MAMLD1: variants seen among roughly 807,000 people sequenced by gnomAD.
The protein encoded by MAMLD1 is mastermind like domain containing 1.
Under a neutral mutation model 45.0 loss-of-function variants are expected in MAMLD1, and 14 were observed. The observed-to-expected ratio is 0.31, with a 90% CI of 0.21 to 0.49. The LOEUF (loss-of-function observed/expected upper bound fraction) is 0.49, where lower values mean the gene tolerates loss of function less well. Ranked by LOEUF, MAMLD1 falls within the 20% of genes least tolerant of loss-of-function variation. The pLI, the probability that MAMLD1 is intolerant of heterozygous loss-of-function variation, is 0.99. For synonymous variants in MAMLD1, 254 were observed against 247.8 expected, an observed-to-expected ratio of 1.02 and a Z score of -0.24; for missense variants, 543 against 603.6, an observed-to-expected ratio of 0.90 and a Z score of 1.05.
intron 1 of MAMLD1, among the ~76,000 whole-genome samples, chrX:150,440,313 G>C (rs1557404462): frequency 9.2e-6 from 1 of 108,263 alleles, no homozygotes; most frequent in Non-Finnish European, 1.9e-5. Context: ...GGGAAATATT[G>C]GTCTGCAGGG....
chrX:150,409,130 G>C (rs1486139243), intron 1 of MAMLD1, among the ~76,000 whole-genome samples: 1 of 111,523 alleles, frequency 9.0e-6, no homozygotes, highest in African/African-American at 3.3e-5. Context: ...TTGGGTGGCT[G>C]TTGAGCTATT....
chrX:150,480,111 T>C (rs2036708077), intron 5 of MAMLD1, among the ~76,000 whole-genome samples: 1 of 112,013 alleles, frequency 8.9e-6, no homozygotes, highest in Admixed American at 9.4e-5. Flanking sequence ...CATGGTCCCA[T>C]ATCGTGGATT....
In MAMLD1 at chrX:150,508,699, T is replaced by C. The variant is rs781786067; in HGVS notation, c.2285-1263T>C. On this transcript the variant is annotated intron_variant, in intron 6 of 7. Transcript: ENST00000370401. ...AGCCCCACTGAGTGCAGAGAAGGGT[T>C]CCCAGAAGCCCTTTGCTGGAAAAGC... 2.7e-5 allele frequency among the ~76,000 whole-genome samples: 3 copies of C among 112,460 alleles called. No homozygotes were observed. The South Asian group carries it at 1.1e-3, about 42-fold the overall frequency.
intron 1 of MAMLD1, among the ~76,000 whole-genome samples, chrX:150,443,300 A>T (rs1399684269): frequency 2.6e-4 from 26 of 100,148 alleles, no homozygotes; most frequent in African/African-American, 9.6e-4. Context: ...TGAAAGTTAG[A>T]TCTTTTGTTT....
intron 1 of MAMLD1, among the ~76,000 whole-genome samples, chrX:150,396,410 T>C (rs1404283147): frequency 9.0e-6 from 1 of 111,077 alleles, no homozygotes; most frequent in Non-Finnish European, 1.9e-5. Context: ...CAAAATATAT[T>C]TTCAACTTCT....
At chrX:150,422,659 C>G (rs1039450520) in intron 1 of MAMLD1, among the ~76,000 whole-genome samples, 39 of 111,595 alleles carry the variant, frequency 3.5e-4, no homozygotes, top group African/African-American at 1.2e-3. Flanking sequence ...TCAAGTGATC[C>G]ACGCACCTCG....
chrX:150,504,339 G>A (rs1038472448), intron 6 of MAMLD1: 7 of 748,380 alleles, frequency 9.4e-6, no homozygotes, highest in Non-Finnish European at 9.5e-6. Flanking sequence ...TTTTCTAAGT[G>A]ATAGTGATCA....
intron 1 of MAMLD1, among the ~76,000 whole-genome samples, chrX:150,423,386 T>TGTGTG (rs2034590514): frequency 0.23 from 22,335 of 96,596 alleles, 2,177 homozygotes; most frequent in Admixed American, 0.32. Context: ...GTGTGTGTGT[T>TGTGTG]TGCACCTTTG....
intron 5 of MAMLD1, among the ~76,000 whole-genome samples, chrX:150,481,946 AAAG>A (rs1320768356): frequency 2.2e-5 from 2 of 91,904 alleles, no homozygotes; most frequent in African/African-American, 1.0e-4. Flanking sequence ...AAGAAAGAAA[AAAG>A]AAAGAAAGAA....
At chrX:150,425,741 A>G (rs1297132367) in intron 1 of MAMLD1, among the ~76,000 whole-genome samples, 1 of 111,758 alleles carries the variant, frequency 8.9e-6, no homozygotes, top group Non-Finnish European at 1.9e-5. Context: ...AAGAATTTAC[A>G]GTCTAGAGGA....
chrX:150,372,909 G>A (rs12689017), intron 1 of MAMLD1, among the ~76,000 whole-genome samples: 46,382 of 110,525 alleles, frequency 0.42, 7,360 homozygotes, highest in Middle Eastern at 0.55. Flanking sequence ...ACCCGAGCAC[G>A]TGGCTGGGGT....
chrX:150,396,149 ATTTTTT>A (rs151164752), intron 1 of MAMLD1, among the ~76,000 whole-genome samples: 19 of 39,249 alleles, frequency 4.8e-4, no homozygotes, highest in African/African-American at 1.9e-3. Context: ...TACCTGGCTA[ATTTTTT>A]TTTTTTTTTT....
intron 5 of MAMLD1, among the ~76,000 whole-genome samples, chrX:150,479,236 G>A (rs1261090674): frequency 9.0e-6 from 1 of 111,656 alleles, no homozygotes; most frequent in Non-Finnish European, 1.9e-5. Context: ...GAATAAGTGA[G>A]ACGACACTTT....
At chrX:150,449,708 TGCCACATTTCCA>T in intron 2 of MAMLD1, among the ~76,000 whole-genome samples, 2 of 111,467 alleles carry the variant, frequency 1.8e-5, no homozygotes, top group African/African-American at 6.5e-5. Context: ...TCTGGCCTCC[TGCCACATTTCCA>T]GGGTCCCTTC....
At chrX:150,493,122 G>A (rs1557408038) in intron 5 of MAMLD1, among the ~76,000 whole-genome samples, 2 of 111,644 alleles carry the variant, frequency 1.8e-5, no homozygotes, top group African/African-American at 6.5e-5. Flanking sequence ...CCAAATCTGG[G>A]GTGGGAAGGC....
At chrX:150,511,586 C>T (rs1367665871) in intron 7 of MAMLD1, among the ~76,000 whole-genome samples, 2 of 112,201 alleles carry the variant, frequency 1.8e-5, no homozygotes, top group East Asian at 2.8e-4. Context: ...ACCAGCCCAG[C>T]CCACCCCACC....
At chrX:150,491,850 C>T (rs114955388) in intron 5 of MAMLD1, among the ~76,000 whole-genome samples, 2,054 of 112,106 alleles carry the variant, frequency 0.018, 49 homozygotes, top group African/African-American at 0.063. Flanking sequence ...AAGAGAGTTA[C>T]CTTTTTCGTC....
intron 1 of MAMLD1, among the ~76,000 whole-genome samples, chrX:150,381,103 T>C (rs1425685912): frequency 2.7e-5 from 3 of 112,147 alleles, no homozygotes; most frequent in African/African-American, 9.7e-5. Flanking sequence ...ATATATTCAG[T>C]CTCCACATAT....
At chrX:150,472,090 CAT>C (rs1445552964) in intron 4 of MAMLD1, among the ~76,000 whole-genome samples, 2 of 111,990 alleles carry the variant, frequency 1.8e-5, no homozygotes, top group African/African-American at 6.5e-5. Flanking sequence ...CCCAGAGTCA[CAT>C]AGTTCGCAAG....
Sources: gnomAD v4.1 joint callset for allele counts (sites outside exome capture counted in the v4.1 genomes callset) on GRCh38, gnomAD v4.1.1 for gene constraint, MANE v1.5 for transcripts, NCBI Gene and HGNC (gene_info 2026-07-23, HGNC 2026-07-21) for gene names.